Variants in LCORL observed in about 807,000 individuals in gnomAD.
The protein encoded by LCORL is ligand-dependent nuclear receptor corepressor-like protein.
In LCORL, 41 loss-of-function variants were observed where a neutral mutation model predicts 141.8. That is an observed-to-expected ratio of 0.29 (90% CI 0.23 to 0.38). The LOEUF is 0.38. Ranked by LOEUF, LCORL falls within the 10% of genes least tolerant of loss-of-function variation. The probability of loss-of-function intolerance (pLI) is 1.00; values close to 1 mark genes in which losing one functional copy is unlikely to be tolerated. For missense variants in LCORL, 1,759 were observed against 2,035.0 expected, an observed-to-expected ratio of 0.86 and a Z score of 2.61; for synonymous variants, 618 against 694.1, an observed-to-expected ratio of 0.89 and a Z score of 1.72.
chr4:17,952,172 T>A (rs550184068), intron 4 of LCORL, among the ~76,000 whole-genome samples: 5 of 152,252 alleles, frequency 3.3e-5, no homozygotes, highest in African/African-American at 1.2e-4. Context: ...CTAATTTTAC[T>A]GACTGCCATA....
At chr4:17,933,305 A>G (rs1213945627) in intron 4 of LCORL, among the ~76,000 whole-genome samples, 1 of 152,082 alleles carries the variant, frequency 6.6e-6, no homozygotes, top group African/African-American at 2.4e-5. Context: ...TGGGTCTCCA[A>G]TTACACCTGT....
chr4:17,896,586 T>C (rs1729963043), intron 5 of LCORL, among the ~76,000 whole-genome samples: 6 of 152,110 alleles, frequency 3.9e-5, no homozygotes, highest in Admixed American at 2.6e-4. Flanking sequence ...CTGGCCTGTG[T>C]TTCTTTTGTA....
intron 1 of LCORL, among the ~76,000 whole-genome samples, chr4:17,998,231 A>G (rs926230076): frequency 6.6e-6 from 1 of 152,194 alleles, no homozygotes; most frequent in South Asian, 2.1e-4. Flanking sequence ...GAGTGAGTGA[A>G]TGTGAAAGCC....
intron 1 of LCORL, among the ~76,000 whole-genome samples, chr4:17,981,784 C>T (rs1718029812): frequency 6.6e-6 from 1 of 151,964 alleles, no homozygotes; most frequent in African/African-American, 2.4e-5. Context: ...GGTACATGTG[C>T]AGGTTTGTTA....
intron 4 of LCORL, among the ~76,000 whole-genome samples, chr4:17,940,740 A>G (rs1737818964): frequency 6.6e-6 from 1 of 151,972 alleles, no homozygotes; most frequent in Admixed American, 6.5e-5. Flanking sequence ...CAATGAAAAT[A>G]AAAATGTAAT....
chr4:18,020,973 C>A (rs1302886011), intron 1 of LCORL, among the ~76,000 whole-genome samples: 1 of 152,158 alleles, frequency 6.6e-6, no homozygotes, highest in East Asian at 1.9e-4. Context: ...CGCCGCCGAG[C>A]GCGAGAGGGC....
chr4:17,855,777 C>T (rs1284619433), intron 7 of LCORL, among the ~76,000 whole-genome samples: 1 of 152,178 alleles, frequency 6.6e-6, no homozygotes, highest in African/African-American at 2.4e-5. Context: ...GGAGCCCAGC[C>T]AAGATCAGAA....
At chr4:17,868,522 C>G (rs76272783) in intron 7 of LCORL, among the ~76,000 whole-genome samples, 1 of 151,988 alleles carries the variant, frequency 6.6e-6, no homozygotes, top group African/African-American at 2.4e-5. Context: ...AAGATATACA[C>G]CTGCTTTGGG....
At chr4:17,947,269 T>C (rs1449616990) in intron 4 of LCORL, among the ~76,000 whole-genome samples, 1 of 151,940 alleles carries the variant, frequency 6.6e-6, no homozygotes, top group Non-Finnish European at 1.5e-5. Flanking sequence ...TTATATAAAG[T>C]ACAGTAAGCC....
chr4:17,883,918 T>C, intron 6 of LCORL: 1 of 1,550,780 alleles, frequency 6.4e-7, no homozygotes, highest in Non-Finnish European at 8.7e-7. Context: ...TTCCGCTCAT[T>C]ACCATTGCAA....
intron 6 of LCORL, chr4:17,883,507 T>C (rs1283685250): frequency 7.7e-7 from 1 of 1,291,944 alleles, no homozygotes; most frequent in Non-Finnish European, 9.8e-7. Flanking sequence ...AGCAACTATA[T>C]AATTCTGTCC....
intron 4 of LCORL, among the ~76,000 whole-genome samples, chr4:17,925,142 C>G (rs188311292): frequency 8.0e-4 from 122 of 152,304 alleles, no homozygotes; most frequent in African/African-American, 2.8e-3. Flanking sequence ...AAGATTGCCA[C>G]CTGGCTACTT....
chr4:17,920,756 C>G (rs1336109214), intron 4 of LCORL, among the ~76,000 whole-genome samples: 2 of 152,208 alleles, frequency 1.3e-5, no homozygotes, highest in African/African-American at 4.8e-5. Context: ...AGTAAATTCC[C>G]TCTCAGGAAA....
intron 1 of LCORL, among the ~76,000 whole-genome samples, chr4:18,010,366 G>A (rs1483223569): frequency 6.6e-6 from 1 of 151,732 alleles, no homozygotes; most frequent in Non-Finnish European, 1.5e-5. Context: ...ACATAAATGT[G>A]TGTATGGGTA....
At chr4:17,842,370 A>C (rs765489508) in exon 8 of LCORL, 1 of 1,611,836 alleles carries the variant, frequency 6.2e-7, no homozygotes. Flanking sequence ...GCTGAAGCCG[A>C]CTCTGAAAGG....
At chr4:17,959,528 T>C (rs1320256861) in intron 4 of LCORL, among the ~76,000 whole-genome samples, 1 of 152,082 alleles carries the variant, frequency 6.6e-6, no homozygotes, top group Non-Finnish European at 1.5e-5. Flanking sequence ...AAAGGTTTAG[T>C]GCTCAATCAC....
At chr4:17,995,348 C>T (rs934146855) in intron 1 of LCORL, among the ~76,000 whole-genome samples, 1 of 151,946 alleles carries the variant, frequency 6.6e-6, no homozygotes, top group Admixed American at 6.6e-5. Flanking sequence ...TAATCCCAAA[C>T]ACAAACATAT....
At chr4:17,991,106 A>T (rs912799393) in intron 1 of LCORL, among the ~76,000 whole-genome samples, 9 of 152,168 alleles carry the variant, frequency 5.9e-5, no homozygotes, top group South Asian at 2.1e-4. Context: ...AAGAAATAAA[A>T]TTTTTTAATA....
At chr4:18,018,858 TTATA>T (rs767746773) in intron 1 of LCORL, among the ~76,000 whole-genome samples, 19 of 152,332 alleles carry the variant, frequency 1.2e-4, no homozygotes, top group African/African-American at 4.3e-4. Flanking sequence ...GCACCGAATA[TTATA>T]TATATACTGA....
Sources: allele counts gnomAD v4.1 joint callset (sites outside exome capture counted in the v4.1 genomes callset), GRCh38; gene constraint gnomAD v4.1.1; transcripts MANE v1.5; gene names NCBI Gene and HGNC (gene_info 2026-07-23, HGNC 2026-07-21).